SLX4IP: variants seen among roughly 807,000 people sequenced by gnomAD.
The protein encoded by SLX4IP is protein SLX4IP.
SLX4IP carries 34 observed loss-of-function variants against 32.9 expected under a neutral mutation model. The ratio of observed to expected loss-of-function variants is 1.03; its 90% CI spans 0.79 to 1.38. The LOEUF is 1.38. SLX4IP is among the 40% of genes most tolerant of loss of function. The probability of loss-of-function intolerance (pLI) is 0.00; values close to 1 mark genes in which losing one functional copy is unlikely to be tolerated. For missense variants in SLX4IP, 444 were observed against 479.0 expected, an observed-to-expected ratio of 0.93 and a Z score of 0.68; for synonymous variants, 172 against 171.7, an observed-to-expected ratio of 1.00 and a Z score of -0.01.
At chr20:10,585,568 C>CT (rs537214713) in intron 4 of SLX4IP, among the ~76,000 whole-genome samples, 318 of 149,506 alleles carry the variant, frequency 2.1e-3, no homozygotes, top group Middle Eastern at 0.01. Context: ...CTTTCCTTTC[C>CT]TTTTTTTTCT....
At chr20:10,467,178 A>T (rs1452711802) in intron 2 of SLX4IP, among the ~76,000 whole-genome samples, 1 of 152,220 alleles carries the variant, frequency 6.6e-6, no homozygotes, top group African/African-American at 2.4e-5. Context: ...TTAAATGGGA[A>T]CGTGGTACTG....
intron 4 of SLX4IP, among the ~76,000 whole-genome samples, chr20:10,574,929 T>C (rs1245632482): frequency 6.6e-6 from 1 of 152,106 alleles, no homozygotes; most frequent in Admixed American, 6.5e-5. Context: ...CGCCTTGGCC[T>C]CCAAAAGTGC....
At chr20:10,535,021 A>G (rs1461508961) in intron 2 of SLX4IP, among the ~76,000 whole-genome samples, 2 of 152,238 alleles carry the variant, frequency 1.3e-5, no homozygotes, top group South Asian at 2.1e-4. Flanking sequence ...GGCCCCTCCA[A>G]AGGTTTTTAG....
chr20:10,494,768 C>G (rs1160504907), intron 2 of SLX4IP, among the ~76,000 whole-genome samples: 1 of 152,080 alleles, frequency 6.6e-6, no homozygotes, highest in Admixed American at 6.6e-5. Flanking sequence ...GTCTCCTCCT[C>G]TTTCTTTAGT....
In SLX4IP at chr20:10,623,015, G is replaced by A. The variant is rs200004663; in HGVS notation, c.863G>A (p.Arg288Gln). The A allele has an allele frequency of 1.4e-5, 22 of 1,614,158 alleles. No homozygotes were observed. Among genetic ancestry groups the A allele is most frequent in the Non-Finnish European group, 1.6e-5 (19 of 1,180,028 alleles). Residue 288 changes from arginine to glutamine, a missense_variant, in exon 8 of 8, where the codon CGA becomes CAA. By Grantham distance (43) the Arg-to-Gln change is conservative. Coordinates refer to ENST00000334534, the MANE Select transcript of SLX4IP (RefSeq NM_001009608.3). ...SASPCPKQSP[R>Q]VAKTQQKRRN... Reference sequence around the variant, plus strand: ...TCACCATGTCCAAAACAAAGTCCACGAGTGGCCAAAACCCAACAGAAACGC... The same window carrying A: ...TCACCATGTCCAAAACAAAGTCCACAAGTGGCCAAAACCCAACAGAAACGC...
intron 4 of SLX4IP, among the ~76,000 whole-genome samples, chr20:10,564,653 G>C (rs1173872241): frequency 1.3e-5 from 2 of 152,100 alleles, no homozygotes; most frequent in Non-Finnish European, 2.9e-5. Context: ...CTTGGAGGCT[G>C]TTTTTCCAAT....
intron 6 of SLX4IP, among the ~76,000 whole-genome samples, chr20:10,612,537 C>A (rs118147997): frequency 3.3e-5 from 5 of 152,268 alleles, no homozygotes; most frequent in Non-Finnish European, 7.3e-5. Context: ...TCAAAATACT[C>A]TGGTTGGGTT....
intron 6 of SLX4IP, among the ~76,000 whole-genome samples, chr20:10,609,127 G>A (rs1348586350): frequency 6.6e-6 from 1 of 152,082 alleles, no homozygotes; most frequent in Non-Finnish European, 1.5e-5. Context: ...CAACACCTTC[G>A]ATTTCCAGTA....
At chr20:10,483,148 C>G (rs897360575) in intron 2 of SLX4IP, among the ~76,000 whole-genome samples, 3 of 151,806 alleles carry the variant, frequency 2.0e-5, no homozygotes, top group Non-Finnish European at 4.4e-5. Context: ...TTGAGACAGT[C>G]TCGCTCTGTT....
chr20:10,524,393 C>T (rs543529618), intron 2 of SLX4IP, among the ~76,000 whole-genome samples: 18 of 152,290 alleles, frequency 1.2e-4, no homozygotes, highest in East Asian at 5.8e-4. Flanking sequence ...CTTGACCACC[C>T]GCCCTGCCTT....
intron 2 of SLX4IP, among the ~76,000 whole-genome samples, chr20:10,495,070 C>T (rs1295536210): frequency 6.6e-6 from 1 of 152,130 alleles, no homozygotes; most frequent in East Asian, 1.9e-4. Flanking sequence ...TTTATCAAAA[C>T]ATCACATTGT....
At chr20:10,490,193 C>T (rs1259863584) in intron 2 of SLX4IP, among the ~76,000 whole-genome samples, 1 of 135,388 alleles carries the variant, frequency 7.4e-6, no homozygotes, top group Non-Finnish European at 1.7e-5. Context: ...GTGGAAATTT[C>T]TTTTTTTTTT....
chr20:10,613,540 A>C, intron 6 of SLX4IP: 1 of 1,611,440 alleles, frequency 6.2e-7, no homozygotes, highest in Non-Finnish European at 8.5e-7. Context: ...TCCTTTTGCC[A>C]ATCCTTTTGT....
chr20:10,532,126 G>A (rs2065994979), intron 2 of SLX4IP, among the ~76,000 whole-genome samples: 1 of 152,110 alleles, frequency 6.6e-6, no homozygotes, highest in Non-Finnish European at 1.5e-5. Flanking sequence ...CCATAGTTGT[G>A]TACATGTGCC....
intron 1 of SLX4IP, among the ~76,000 whole-genome samples, chr20:10,439,160 C>G (rs181284811): frequency 1.3e-5 from 2 of 152,038 alleles, no homozygotes; most frequent in Non-Finnish European, 2.9e-5. Flanking sequence ...TTTTTACAAT[C>G]TCATTCTCAC....
At chr20:10,614,973 A>G (rs1190526651) in intron 6 of SLX4IP, among the ~76,000 whole-genome samples, 2 of 152,106 alleles carry the variant, frequency 1.3e-5, no homozygotes, top group East Asian at 1.9e-4. Context: ...AAACATCTGA[A>G]TATTTTTTAC....
At chr20:10,537,589 G>A (rs2066059387) in intron 2 of SLX4IP, among the ~76,000 whole-genome samples, 1 of 152,166 alleles carries the variant, frequency 6.6e-6, no homozygotes, top group African/African-American at 2.4e-5. Flanking sequence ...ACATGATGTT[G>A]ATCTTTTTAT....
intron 6 of SLX4IP, among the ~76,000 whole-genome samples, chr20:10,606,437 A>G (rs992977551): frequency 3.0e-4 from 45 of 152,064 alleles, no homozygotes; most frequent in Admixed American, 2.9e-3. Flanking sequence ...ACTTTTCCAG[A>G]TTTTTCATGA....
intron 4 of SLX4IP, among the ~76,000 whole-genome samples, chr20:10,573,397 A>C (rs1267574915): frequency 6.6e-6 from 1 of 152,114 alleles, no homozygotes; most frequent in African/African-American, 2.4e-5. Flanking sequence ...ACATCCAACC[A>C]CTGTGATCCC....
Sources: gnomAD v4.1 joint callset for allele counts (sites outside exome capture counted in the v4.1 genomes callset) on GRCh38, gnomAD v4.1.1 for gene constraint, MANE v1.5 for transcripts, NCBI Gene and HGNC (gene_info 2026-07-23, HGNC 2026-07-21) for gene names.